Variants in TNRC6A observed in about 807,000 individuals in gnomAD.
TNRC6A encodes trinucleotide repeat containing adaptor 6A.
TNRC6A carries 44 observed loss-of-function variants against 221.2 expected under a neutral mutation model. The ratio of observed to expected loss-of-function variants is 0.20; its 90% confidence interval spans 0.16 to 0.26. TNRC6A has a LOEUF of 0.26. Ranked by LOEUF, TNRC6A falls within the 10% of genes least tolerant of loss-of-function variation. The pLI is 1.00. For synonymous variants in TNRC6A, 847 were observed against 838.5 expected, an observed-to-expected ratio of 1.01 and a Z score of -0.18; for missense variants, 2,199 against 2,404.4, an observed-to-expected ratio of 0.91 and a Z score of 1.79.
intron 17 of TNRC6A, among the ~76,000 whole-genome samples, chr16:24,807,115 C>A (rs568523819): frequency 6.6e-6 from 1 of 151,750 alleles, no homozygotes; most frequent in South Asian, 2.1e-4. Context: ...AAGCGATTCT[C>A]GCACCTCAGC....
At chr16:24,750,857 G>A (rs759028774) in intron 3 of TNRC6A, 44 bp downstream of exon 3, 2 of 1,374,480 alleles carry the variant, frequency 1.5e-6, no homozygotes, top group East Asian at 5.4e-5. Context: ...TTTAAACATA[G>A]AATTAAAAAA....
At chr16:24,806,102 C>A in intron 15 of TNRC6A, 104 bp from the exon 16 acceptor site, 1 of 1,264,806 alleles carries the variant, frequency 7.9e-7, no homozygotes, top group Non-Finnish European at 1.1e-6. Context: ...TTGGCATTGG[C>A]TAGATCACGT....
At chr16:24,625,732 C>CTA (rs1900939373) in intron 1 of TNRC6A, among the ~76,000 whole-genome samples, 1 of 78,528 alleles carries the variant, frequency 1.3e-5, no homozygotes, top group Non-Finnish European at 2.6e-5. Context: ...GACTCCGTCT[C>CTA]AAAACAAAAA....
rs1480101951 is a variant in TNRC6A, at chr16:24,791,533, A to C, written c.2891A>C (p.Lys964Thr). ...TGGGGAATCCCACCAGCTACAGGCA[A>C]ACCTCCTGGTACAGGCTGGCTGGGG... ...GSWGIPPATG[K>T]PPGTGWLGGP... The change falls in exon 6 of 25, where the codon AAA becomes ACA. Residue 964 changes from lysine (K) to threonine (T), a missense_variant. By Grantham distance (78) the Lys-to-Thr change is moderately conservative. Coordinates refer to ENST00000395799, the MANE Select transcript of TNRC6A (RefSeq NM_014494.4). 4 of 1,538,948 alleles carry C rather than the reference A, an allele frequency of 2.6e-6. No individual in the cohort carries two copies. Among genetic ancestry groups the C allele is most frequent in the Non-Finnish European group, 3.5e-6 (4 of 1,147,452 alleles).
Position 24,791,391 on chromosome 16 carries a change from A to G in TNRC6A, c.2749A>G (p.Thr917Ala), listed in dbSNP as rs370621058. The change falls in exon 6 of 25, where the codon ACT becomes GCT. Residue 917 changes from threonine to alanine, a missense_variant. Around this residue, in one of 8 missense-constraint regions of TNRC6A, gnomAD observed 1,405 missense variants for 1,400.2 expected, o/e 1.00. Transcript: ENST00000395799. ...AGGATGGGATGAATCTTCTAAACCT[A>G]CTCCTTCCCAGGGATGGGGAGACCC... ...SSGWDESSKP[T>A]PSQGWGDPPK... 8.3e-5 allele frequency: 131 copies of G among 1,570,426 alleles called. 1 individual carries two copies. The highest frequency in any genetic ancestry group is 1.7e-5 in the Non-Finnish European group (20 of 1,159,336).
At chr16:24,736,897 G>A (rs1167178100) in intron 2 of TNRC6A, among the ~76,000 whole-genome samples, 2 of 152,196 alleles carry the variant, frequency 1.3e-5, no homozygotes, top group Admixed American at 1.3e-4. Context: ...CTTTTATGAA[G>A]ATTTATGCCA....
intron 1 of TNRC6A, among the ~76,000 whole-genome samples, chr16:24,622,409 TG>T (rs1193554181): frequency 1.1e-4 from 17 of 152,242 alleles, no homozygotes; most frequent in Admixed American, 9.2e-4. Flanking sequence ...GAGACCAGCC[TG>T]GCCAACATGG....
chr16:24,803,495 A>G (rs1474543474), intron 11 of TNRC6A: 1 of 152,200 alleles, frequency 6.6e-6, no homozygotes, highest in African/African-American at 2.4e-5. Context: ...GTGGTTTATC[A>G]CAGTGGGTGT....
rs544713989 is a variant in TNRC6A, at chr16:24,673,199, A to G, written n.402+32190A>G. 9.6e-4 allele frequency among the ~76,000 whole-genome samples: 147 copies of G among 152,332 alleles called. 2 individuals carry two copies. Among genetic ancestry groups the G allele is most frequent in the Middle Eastern group, 3.4e-3 (1 of 294 alleles). On this transcript the variant is annotated intron_variant and non_coding_transcript_variant, in intron 2 of 2. Coordinates refer to the TNRC6A transcript ENST00000566108. ...TACAAAAATTTTTTAAAAATTAAAA[A>G]TAAAAATAAAAAAAGATAGTACTAT...
intron 1 of TNRC6A, among the ~76,000 whole-genome samples, chr16:24,636,129 C>A (rs1478850860): frequency 2.0e-5 from 3 of 152,206 alleles, no homozygotes; most frequent in African/African-American, 7.2e-5. Flanking sequence ...AAACCGTCTT[C>A]TTTACTGCCT....
chr16:24,812,045 TTTTTTTTTTTTTTTTTTTTTTG>T (rs1429731082), intron 18 of TNRC6A, among the ~76,000 whole-genome samples: 2 of 75,132 alleles, frequency 2.7e-5, no homozygotes, highest in African/African-American at 9.1e-5. Context: ...TTTTTTTTTT[TTTTTTTTTTTTTTTTTTTTTTG>T]AGACAGAGTC....
At chr16:24,649,000 G>A (rs1226810107) in intron 2 of TNRC6A, among the ~76,000 whole-genome samples, 1 of 151,908 alleles carries the variant, frequency 6.6e-6, no homozygotes, top group Non-Finnish European at 1.5e-5. Context: ...TGACAAGCAG[G>A]CCGGGTGCGG....
chr16:24,651,945 A>AT (rs1902692119), intron 2 of TNRC6A, among the ~76,000 whole-genome samples: 3 of 151,252 alleles, frequency 2.0e-5, no homozygotes, highest in African/African-American at 7.3e-5. Context: ...AAAAAAAAAA[A>AT]AAATTAATTA....
intron 2 of TNRC6A, among the ~76,000 whole-genome samples, chr16:24,688,285 T>G (rs1461830564): frequency 6.6e-6 from 1 of 152,144 alleles, no homozygotes; most frequent in Non-Finnish European, 1.5e-5. Context: ...CTACTCATTC[T>G]TGTATTCATA....
At chr16:24,706,989 GTATTTATTTATT>G (rs899368992) in intron 2 of TNRC6A, among the ~76,000 whole-genome samples, 4 of 130,250 alleles carry the variant, frequency 3.1e-5, no homozygotes, top group Non-Finnish European at 5.5e-5. Context: ...TTTTATTTAT[GTATTTATTTATT>G]TATTTATTTA....
At chr16:24,798,023 C>T (rs748250831) in intron 11 of TNRC6A, 57 bp downstream of exon 11, 27 of 1,472,234 alleles carry the variant, frequency 1.8e-5, no homozygotes, top group African/African-American at 1.4e-5. Context: ...ACATCCATGA[C>T]ATGATTCTAC....
intron 2 of TNRC6A, among the ~76,000 whole-genome samples, chr16:24,732,523 G>A (rs1042957311): frequency 6.6e-6 from 1 of 152,182 alleles, no homozygotes; most frequent in African/African-American, 2.4e-5. Flanking sequence ...TTTTACAGAT[G>A]GAGAATTTGA....
At chr16:24,729,564 C>G (rs1210538348), upstream of TNRC6A, 1 of 384,402 alleles carries the variant, frequency 2.6e-6, no homozygotes, top group East Asian at 3.9e-5. Flanking sequence ...AAGGACCTGC[C>G]CAATCTGCGG....
At chr16:24,702,147 G>A (rs1328761665) in intron 2 of TNRC6A, among the ~76,000 whole-genome samples, 8 of 123,908 alleles carry the variant, frequency 6.5e-5, no homozygotes, top group Admixed American at 4.3e-4. Flanking sequence ...CACATTTCGC[G>A]TGTAAACTCT....
Sources: gnomAD v4.1 joint callset for allele counts (sites outside exome capture counted in the v4.1 genomes callset) on GRCh38, gnomAD v4.1.1 for gene constraint, gnomAD v4.1.1 regional missense constraint, MANE v1.5 for transcripts, NCBI Gene and HGNC (gene_info 2026-07-23, HGNC 2026-07-21) for gene names.